INO80C: variants seen among roughly 807,000 people sequenced by gnomAD.
The protein encoded by INO80C is IES6 homolog.
In INO80C, 17 loss-of-function variants were observed where a neutral mutation model predicts 17.7. That is an observed-to-expected ratio of 0.96 (90% CI 0.66 to 1.44). The LOEUF (loss-of-function observed/expected upper bound fraction) is 1.44. INO80C is among the 40% of genes most tolerant of loss of function. The pLI, the probability that INO80C is intolerant of heterozygous loss-of-function variation, is 0.00. For synonymous variants in INO80C, 96 were observed against 95.8 expected, an observed-to-expected ratio of 1.00 and a Z score of -0.01; for missense variants, 244 against 245.0, an observed-to-expected ratio of 1.00 and a Z score of 0.03.
intron 2 of INO80C, 94 bp from the exon 3 acceptor site, chr18:35,479,505 C>T (rs960755487): frequency 1.4e-6 from 1 of 730,388 alleles, no homozygotes. Flanking sequence ...CTGTAATATA[C>T]CTCTCATCTG....
At chr18:35,473,562 T>C (rs890173979) in intron 4 of INO80C, among the ~76,000 whole-genome samples, 3 of 152,140 alleles carry the variant, frequency 2.0e-5, no homozygotes, top group Admixed American at 6.5e-5. Flanking sequence ...GGGCTATGCA[T>C]GTTCAAGGCA....
At chr18:35,490,567 CCAATCTGAACTGTT>C (rs144841658) in intron 1 of INO80C, among the ~76,000 whole-genome samples, 15,125 of 151,986 alleles carry the variant, frequency 0.1, 816 homozygotes, top group African/African-American at 0.15. Context: ...GAGGAAAAAA[CCAATCTGAACTGTT>C]AAAGAGCAAA....
chr18:35,491,597 T>A (rs1338447835), intron 1 of INO80C, among the ~76,000 whole-genome samples: 1 of 152,030 alleles, frequency 6.6e-6, no homozygotes, highest in African/African-American at 2.4e-5. Context: ...GGTTTTATGC[T>A]TCACTTTCCT....
At chr18:35,472,197 G>A (rs1030531269) in intron 4 of INO80C, among the ~76,000 whole-genome samples, 1 of 152,132 alleles carries the variant, frequency 6.6e-6, no homozygotes, top group Admixed American at 6.5e-5. Context: ...CACAGCAGTT[G>A]AACTAGTTTA....
intron 3 of INO80C, among the ~76,000 whole-genome samples, chr18:35,478,844 G>A (rs942054114): frequency 2.0e-5 from 3 of 152,308 alleles, no homozygotes; most frequent in South Asian, 2.1e-4. Flanking sequence ...AAGCTGAACA[G>A]AACATATAAC....
rs922165321 is a variant in INO80C at position 35,473,965 on chromosome 18, C to T, written c.447+4317G>A. Among the ~76,000 whole-genome samples the T allele has an allele frequency of 5.3e-5, 8 of 151,802 alleles. No homozygotes were observed. The East Asian group carries it at 1.4e-3, about 26-fold the overall frequency. On this transcript the variant is annotated intron_variant, in intron 4 of 4. Coordinates refer to ENST00000334598, the MANE Select transcript of INO80C (RefSeq NM_194281.4). ...ACTCTTCAAGGAAAGATAACAGAAT[C>T]TAGAGTTTTTACAATATATCATCCA...
At chr18:35,474,729 C>T (rs1234666429) in intron 4 of INO80C, among the ~76,000 whole-genome samples, 1 of 152,018 alleles carries the variant, frequency 6.6e-6, no homozygotes, top group African/African-American at 2.4e-5. Context: ...TCATCAGAGA[C>T]ATGAAAACTA....
At chr18:35,495,200 G>C (rs2045969348) in intron 1 of INO80C, among the ~76,000 whole-genome samples, 1 of 152,232 alleles carries the variant, frequency 6.6e-6, no homozygotes, top group African/African-American at 2.4e-5. Context: ...AGGCCAATGT[G>C]GGCAGATTGC....
At chr18:35,492,548 A>G (rs2045942768) in intron 1 of INO80C, among the ~76,000 whole-genome samples, 1 of 152,246 alleles carries the variant, frequency 6.6e-6, no homozygotes, top group South Asian at 2.1e-4. Flanking sequence ...AAAAATGAAA[A>G]AAAAGGTAAT....
chr18:35,472,123 T>C (rs1216594637), intron 4 of INO80C, among the ~76,000 whole-genome samples: 1 of 152,236 alleles, frequency 6.6e-6, no homozygotes, highest in Non-Finnish European at 1.5e-5. Flanking sequence ...TACCCAGTAA[T>C]GGGATGGCTG....
chr18:35,496,691 G>A (rs1406047808), intron 1 of INO80C: 1 of 152,212 alleles, frequency 6.6e-6, no homozygotes, highest in Non-Finnish European at 1.5e-5. Flanking sequence ...CTAAAGGCGT[G>A]CACCATCACG....
chr18:35,484,025 C>T (rs1202203071), intron 1 of INO80C, among the ~76,000 whole-genome samples: 5 of 152,096 alleles, frequency 3.3e-5, no homozygotes, highest in Non-Finnish European at 7.4e-5. Flanking sequence ...AATAACATAA[C>T]CACACTGAAG....
rs1251384526 is a variant in INO80C at position 35,468,595 on chromosome 18, T to C, written c.*16A>G. The C allele has an allele frequency of 2.5e-6, 4 of 1,613,956 alleles. No individual in the cohort carries two copies. The highest frequency in any genetic ancestry group is 1.3e-5 in the African/African-American group (1 of 74,896). On this transcript the variant is annotated 3_prime_UTR_variant, in exon 5 of 5. Transcript: ENST00000334598. The stretch of plus-strand genomic sequence containing the variant: ...GTTTTTGAAACAGCTTTCCACTTCA[T>C]CTCCCTTTCTGGGGCTCAGGGAACG...
At chr18:35,491,702 G>C (rs1304658929) in intron 1 of INO80C, among the ~76,000 whole-genome samples, 2 of 152,166 alleles carry the variant, frequency 1.3e-5, no homozygotes, top group African/African-American at 2.4e-5. Context: ...TTTAGTCAAA[G>C]GGAAGATCAA....
chr18:35,476,722 T>C lies in INO80C; in HGVS notation c.447+1560A>G, dbSNP rs1158837311. Among the ~76,000 whole-genome samples the C allele has an allele frequency of 3.9e-5, 6 of 152,184 alleles. No individual in the cohort carries two copies. In the East Asian group the frequency reaches 9.6e-4, roughly 24 times the overall value. ...AGACTGGATAAAAAGCAAGATCCACTGGGTGCAGAGGCTCACGTCTTTAAT... is the reference window on the plus strand; with the variant it reads ...AGACTGGATAAAAAGCAAGATCCACCGGGTGCAGAGGCTCACGTCTTTAAT... On this transcript the variant is annotated intron_variant, in intron 4 of 4. Coordinates refer to ENST00000334598, the MANE Select transcript of INO80C (RefSeq NM_194281.4).
At position 35,480,566 on chromosome 18, in the gene INO80C, TA is replaced by T; in HGVS notation, c.157-4del. On this transcript the variant is annotated splice_region_variant and splice_polypyrimidine_tract_variant and intron_variant, in intron 1 of 4. Transcript: ENST00000334598. ...CTCATGGCTTCCATGCTGATACCCTTAAAACATAATAAAAATAGTTTGAAGA... is the reference window on the plus strand; with the variant it reads ...CTCATGGCTTCCATGCTGATACCCTTAAACATAATAAAAATAGTTTGAAGA... 2 of 1,591,798 alleles carry T rather than the reference TA, an allele frequency of 1.3e-6. No individual in the cohort carries two copies. The highest frequency in any genetic ancestry group is 1.7e-4 in the Middle Eastern group (1 of 6,026).
chr18:35,495,151 G>C (rs541383880), intron 1 of INO80C, among the ~76,000 whole-genome samples: 1 of 152,220 alleles, frequency 6.6e-6, no homozygotes, highest in Non-Finnish European at 1.5e-5. Flanking sequence ...TAAGACAACC[G>C]GGCACAGTGG....
Position 35,469,117 on chromosome 18 carries a change from C to A in INO80C, c.448-375G>T, listed in dbSNP as rs547575025. Among the ~76,000 whole-genome samples the A allele has an allele frequency of 9.9e-5, 15 of 152,272 alleles. No homozygotes were observed. The East Asian group carries it at 2.3e-3, about 24-fold the overall frequency. ...GTGCTCCTCAAGGCAGGAGCCGACG[C>A]CCAGCATGCTGGGCATGTGCCCCTC... On this transcript the variant is annotated intron_variant, in intron 4 of 4. Coordinates refer to ENST00000334598, the MANE Select transcript of INO80C (RefSeq NM_194281.4).
rs368532028 is a variant in INO80C at position 35,497,866 on chromosome 18, C to A, written c.9G>T (p.Ala3=). 5 of 1,568,096 alleles carry A rather than the reference C, an allele frequency of 3.2e-6. No individual in the cohort carries two copies. The African/African-American group carries it at 6.9e-5, about 22-fold the overall frequency. ...AAGTGGTGGCCACAATTGGAATTTGCGCCGCCATCGCACTCCGAGTCTTCC... is the reference window on the plus strand; with the variant it reads ...AAGTGGTGGCCACAATTGGAATTTGAGCCGCCATCGCACTCCGAGTCTTCC... MA[A]QIPIVATTST... is the part of the protein sequence containing the mutation. The change falls in exon 1 of 5, where the codon GCG becomes GCT. Residue 3 remains alanine (A), a synonymous_variant. Coordinates refer to ENST00000334598, the MANE Select transcript of INO80C (RefSeq NM_194281.4).
Sources: allele counts gnomAD v4.1 joint callset (sites outside exome capture counted in the v4.1 genomes callset), GRCh38; gene constraint gnomAD v4.1.1; transcripts MANE v1.5; gene names NCBI Gene and HGNC (gene_info 2026-07-23, HGNC 2026-07-21).